The following OSBPL9 variants were observed in gnomAD, a reference collection of about 807,000 sequenced individuals.
The protein encoded by OSBPL9 is oxysterol-binding protein-related protein 9.
In OSBPL9, 40 loss-of-function variants were observed where a neutral mutation model predicts 106.6. That is an observed-to-expected ratio of 0.38 (90% confidence interval 0.29 to 0.49). OSBPL9 has a LOEUF of 0.49. OSBPL9 is among the 20% of genes least tolerant of loss of function. The pLI, the probability that OSBPL9 is intolerant of heterozygous loss-of-function variation, is 0.97. For missense variants in OSBPL9, 609 were observed against 887.2 expected (o/e 0.69, Z 3.98); for synonymous variants, 269 against 295.4 (o/e 0.91, Z 0.92).
In OSBPL9 at chr1:51,663,216, A is replaced by G. The variant is rs145006956; in HGVS notation, c.163-6218A>G. 6.4e-3 allele frequency among the ~76,000 whole-genome samples: 968 copies of G among 152,316 alleles called. 7 individuals carry two copies. Among genetic ancestry groups the G allele is most frequent in the Non-Finnish European group, 0.011 (758 of 68,030 alleles). ...TAAAACATTATTGAAATTTAAAAAG[A>G]CCTAAATAAATGACAGTCTATTTAT... On this transcript the variant is annotated intron_variant, in intron 2 of 23. Transcript: ENST00000428468.
intron 1 of OSBPL9, among the ~76,000 whole-genome samples, chr1:51,644,907 A>C (rs1570752172): frequency 6.6e-6 from 1 of 152,124 alleles, no homozygotes; most frequent in Admixed American, 6.5e-5. Context: ...TCTGATCATC[A>C]CTGCTCTAAT....
intron 3 of OSBPL9, among the ~76,000 whole-genome samples, chr1:51,695,503 C>G (rs931178164): frequency 2.6e-5 from 4 of 152,120 alleles, no homozygotes; most frequent in African/African-American, 9.7e-5. Flanking sequence ...CCTTTTGGAC[C>G]CAAGTTTCCT....
chr1:51,534,285 A>G, the OSBPL9 span, among the ~76,000 whole-genome samples: 6 of 151,438 alleles, frequency 4.0e-5, no homozygotes, highest in South Asian at 1.2e-3. Context: ...TAGTAATTTT[A>G]TTCTCCATCA....
chr1:51,760,921 AGTG>A, intron 10 of OSBPL9, 141 bp downstream of exon 10: 1 of 871,974 alleles, frequency 1.1e-6, no homozygotes, highest in Admixed American at 2.9e-5. Context: ...TACAGCCAAA[AGTG>A]AACTGAAAAA....
the OSBPL9 span, chr1:51,519,139 A>G: frequency 8.1e-7 from 1 of 1,238,112 alleles, no homozygotes; most frequent in Non-Finnish European, 1.1e-6. Flanking sequence ...GGCGAAGCTG[A>G]GGGCGGTGGG....
At chr1:51,549,402 A>T in the OSBPL9 span, among the ~76,000 whole-genome samples, 2 of 152,202 alleles carry the variant, frequency 1.3e-5, no homozygotes, top group Admixed American at 1.3e-4. Context: ...TTATTCAACT[A>T]ATTTTTACTG....
chr1:51,630,220 T>A (rs1364162144), intron 1 of OSBPL9, among the ~76,000 whole-genome samples: 4 of 152,046 alleles, frequency 2.6e-5, no homozygotes. Context: ...AGAAGACAAT[T>A]GTGGTTTTTT....
chr1:51,531,229 G>T, the OSBPL9 span, among the ~76,000 whole-genome samples: 1 of 152,188 alleles, frequency 6.6e-6, no homozygotes, highest in Non-Finnish European at 1.5e-5. Flanking sequence ...AGTGAGCCAA[G>T]ATCGTGCCAC....
At chr1:51,568,400 T>C in the OSBPL9 span, among the ~76,000 whole-genome samples, 1 of 152,176 alleles carries the variant, frequency 6.6e-6, no homozygotes, top group African/African-American at 2.4e-5. Context: ...GCATTGTTGG[T>C]ATTCAAACCC....
chr1:51,632,215 A>G (rs565504215), intron 1 of OSBPL9, among the ~76,000 whole-genome samples: 58 of 152,234 alleles, frequency 3.8e-4, no homozygotes, highest in Non-Finnish European at 6.8e-4. Context: ...TGTACTGTAC[A>G]TAATTGTATG....
intron 3 of OSBPL9, among the ~76,000 whole-genome samples, chr1:51,686,435 G>C (rs7524425): frequency 0.24 from 36,763 of 151,956 alleles, 6,114 homozygotes; most frequent in African/African-American, 0.46. Context: ...TTTTACCATG[G>C]CTTAACCTCT....
At chr1:51,601,889 G>A (rs543470867) in intron 2 of OSBPL9, among the ~76,000 whole-genome samples, 1 of 152,200 alleles carries the variant, frequency 6.6e-6, no homozygotes, top group East Asian at 1.9e-4. Flanking sequence ...CCTAGGTCAA[G>A]AACTTGCTGT....
chr1:51,726,565 C>A (rs1297123265), intron 4 of OSBPL9, among the ~76,000 whole-genome samples: 3 of 151,848 alleles, frequency 2.0e-5, no homozygotes, highest in Non-Finnish European at 2.9e-5. Context: ...TTAAAATTTT[C>A]TTTTCATCTT....
chr1:51,781,845 A>G (rs1676460313), intron 16 of OSBPL9, among the ~76,000 whole-genome samples: 1 of 152,066 alleles, frequency 6.6e-6, no homozygotes. Context: ...AAAAGATTGG[A>G]TTTGGGGAGG....
chr1:51,621,240 G>A (rs1006470494), intron 1 of OSBPL9, among the ~76,000 whole-genome samples: 2 of 152,096 alleles, frequency 1.3e-5, no homozygotes, highest in South Asian at 2.1e-4. Context: ...GGTGGCTCAC[G>A]CCTGTAATCC....
At chr1:51,647,006 T>A (rs1006270453) in intron 1 of OSBPL9, among the ~76,000 whole-genome samples, 3 of 152,248 alleles carry the variant, frequency 2.0e-5, no homozygotes, top group African/African-American at 7.2e-5. Flanking sequence ...GTCTTGTTCT[T>A]AGGTATAAAG....
intron 11 of OSBPL9, chr1:51,765,605 TGTTTC>T: frequency 2.6e-6 from 1 of 377,594 alleles, no homozygotes; most frequent in Non-Finnish European, 4.7e-6. Flanking sequence ...CATAGCTTTT[TGTTTC>T]ATTTATTTAA....
rs1276861076 is a variant in OSBPL9 at position 51,640,524 on chromosome 1, A to G, written c.112-11467A>G. The stretch of plus-strand genomic sequence containing the variant: ...TCTAATTGTTTTATTGTAATAATTT[A>G]AAATACAGTTGTAAAAATTTGATTG... On this transcript the variant is annotated intron_variant, in intron 1 of 23. Transcript: ENST00000428468. Among the ~76,000 whole-genome samples the G allele has an allele frequency of 2.0e-5, 3 of 152,226 alleles. No individual in the cohort carries two copies. In the East Asian group the frequency reaches 5.8e-4, roughly 29 times the overall value.
At chr1:51,724,392 T>C (rs999100981) in intron 4 of OSBPL9, among the ~76,000 whole-genome samples, 1 of 152,206 alleles carries the variant, frequency 6.6e-6, no homozygotes, top group African/African-American at 2.4e-5. Context: ...CAAGTGATTC[T>C]CCTGCCTCAG....
Sources: gnomAD v4.1 joint callset for allele counts (sites outside exome capture counted in the v4.1 genomes callset) on GRCh38, gnomAD v4.1.1 for gene constraint, MANE v1.5 for transcripts, NCBI Gene and HGNC (gene_info 2026-07-23, HGNC 2026-07-21) for gene names.